ZNF638: variants seen among roughly 807,000 people sequenced by gnomAD.
ZNF638 encodes zinc finger protein 638, also known as CTCL tumor antigen se33-1.
A neutral mutation model predicts 195.6 loss-of-function variants in ZNF638; 46 were observed. That is an observed-to-expected ratio of 0.24 (90% confidence interval 0.19 to 0.30). The LOEUF (loss-of-function observed/expected upper bound fraction) is 0.30. Ranked by LOEUF, ZNF638 falls within the 10% of genes least tolerant of loss-of-function variation. The probability of loss-of-function intolerance (pLI) is 1.00; values close to 1 mark genes in which losing one functional copy is unlikely to be tolerated. For synonymous variants in ZNF638, 845 were observed against 772.0 expected (o/e 1.09, Z -1.57); for missense variants, 2,440 against 2,325.3 (o/e 1.05, Z -1.01).
At chr2:71,406,439 C>T (rs142567840) in intron 19 of ZNF638, among the ~76,000 whole-genome samples, 177 bp downstream of exon 19, 1 of 152,174 alleles carries the variant, frequency 6.6e-6, no homozygotes, top group East Asian at 1.9e-4. Context: ...GAAGAGATGA[C>T]CTCTCTTTTT....
chr2:71,410,543 A>G (rs2080193596), intron 20 of ZNF638, among the ~76,000 whole-genome samples: 1 of 152,088 alleles, frequency 6.6e-6, no homozygotes, highest in Non-Finnish European at 1.5e-5. Context: ...CCTTTTCTCT[A>G]TGCTAACACT....
chr2:71,369,346 T>C (rs906271840), intron 7 of ZNF638, among the ~76,000 whole-genome samples: 8 of 150,574 alleles, frequency 5.3e-5, no homozygotes, highest in Admixed American at 2.0e-4. Context: ...AAAAAAAGTT[T>C]TGTGAGTTAA....
At chr2:71,417,128 G>A (rs2080312945) in intron 20 of ZNF638, among the ~76,000 whole-genome samples, 1 of 148,234 alleles carries the variant, frequency 6.7e-6, no homozygotes, top group South Asian at 2.3e-4. Flanking sequence ...CAATCAGCGA[G>A]ATTCCGTGGG....
chr2:71,377,678 G>C lies in ZNF638; in HGVS notation c.2266-2544G>C, dbSNP rs371479119. On this transcript the variant is annotated intron_variant, in intron 8 of 27. Coordinates refer to ENST00000264447, the MANE Select transcript of ZNF638 (RefSeq NM_014497.5). Reference sequence around the variant, plus strand: ...GCAAGAGAGGTGTGATCCTACTCTTGGTGTGAAAGTTAAAAGAGTGAAAAA... The same window carrying C: ...GCAAGAGAGGTGTGATCCTACTCTTCGTGTGAAAGTTAAAAGAGTGAAAAA... Among the ~76,000 whole-genome samples, 37 of 152,240 alleles carry C rather than the reference G, an allele frequency of 2.4e-4. No individual in the cohort carries two copies. In the East Asian group the frequency reaches 5.0e-3, roughly 21 times the overall value.
At chr2:71,408,443 T>C in intron 20 of ZNF638, 196 bp downstream of exon 20, 1 of 610,274 alleles carries the variant, frequency 1.6e-6, no homozygotes, top group Non-Finnish European at 2.7e-6. Flanking sequence ...TTTTCAACAA[T>C]GTAACATATA....
chr2:71,369,521 T>C (rs2079270197), intron 7 of ZNF638, among the ~76,000 whole-genome samples: 1 of 152,074 alleles, frequency 6.6e-6, no homozygotes, highest in Admixed American at 6.5e-5. Context: ...ATAGTGATAG[T>C]GTTGTCTTTG....
At chr2:71,332,180 C>A (rs1458887643) in intron 1 of ZNF638, among the ~76,000 whole-genome samples, 1 of 152,224 alleles carries the variant, frequency 6.6e-6, no homozygotes, top group Non-Finnish European at 1.5e-5. Flanking sequence ...TGCACTGGGC[C>A]GAGGATCGTG....
Position 71,402,049 on chromosome 2 carries a change from G to A in ZNF638, c.2791G>A (p.Gly931Ser). ...TTATGACTTAGCAAAACCATTTGGTGGTTTAAAGGATATCTTGATTTTATC... is the reference window on the plus strand; with the variant it reads ...TTATGACTTAGCAAAACCATTTGGTAGTTTAAAGGATATCTTGATTTTATC... Reference protein sequence around the residue: ...EVYDLAKPFGGLKDILILSSH... With the variant: ...EVYDLAKPFGSLKDILILSSH... The change falls in exon 16 of 28, where the codon GGT becomes AGT. Residue 931 changes from glycine to serine, a missense_variant. Gly to Ser is a moderately conservative substitution (Grantham distance 56). Coordinates refer to ENST00000264447, the MANE Select transcript of ZNF638 (RefSeq NM_014497.5). 1 of 1,606,418 alleles carries A rather than the reference G, an allele frequency of 6.2e-7. No individual in the cohort carries two copies. The highest frequency in any genetic ancestry group is 8.5e-7 in the Non-Finnish European group (1 of 1,175,918).
chr2:71,385,284 G>A (rs2079613848), intron 10 of ZNF638, among the ~76,000 whole-genome samples: 1 of 152,130 alleles, frequency 6.6e-6, no homozygotes, highest in African/African-American at 2.4e-5. Flanking sequence ...ACACTCTTGG[G>A]CACTCATCCC....
chr2:71,423,258 A>T lies in ZNF638; in HGVS notation c.3744A>T (p.Glu1248Asp). The T allele has an allele frequency of 6.2e-7, 1 of 1,614,110 alleles. No homozygotes were observed. The highest frequency in any genetic ancestry group is 8.5e-7 in the Non-Finnish European group (1 of 1,179,990). Residue 1248 changes from glutamate (E) to aspartate (D), a missense_variant, in exon 22 of 28, where the codon GAA becomes GAT. This residue lies in a region of ZNF638 where 1,883 missense variants were observed against 1,739.1 expected (regional missense o/e 1.08). Coordinates refer to ENST00000264447, the MANE Select transcript of ZNF638 (RefSeq NM_014497.5). ...GILEESPSEA[E>D]DFISGITQTM... Reference sequence around the variant, plus strand: ...TAGAAGAATCTCCATCTGAAGCAGAAGATTTCATTTCTGGAATTACACAGA... The same window carrying T: ...TAGAAGAATCTCCATCTGAAGCAGATGATTTCATTTCTGGAATTACACAGA...
chr2:71,338,440 A>C (rs1010066884), intron 1 of ZNF638, among the ~76,000 whole-genome samples: 1 of 151,968 alleles, frequency 6.6e-6, no homozygotes, highest in East Asian at 1.9e-4. Context: ...CCTATTTCCT[A>C]TTTGTATTTC....
chr2:71,350,998 G>C (rs952842023), intron 2 of ZNF638, among the ~76,000 whole-genome samples: 1 of 152,192 alleles, frequency 6.6e-6, no homozygotes, highest in African/African-American at 2.4e-5. Flanking sequence ...AGAACATACT[G>C]TTCAGTCGTA....
intron 10 of ZNF638, among the ~76,000 whole-genome samples, chr2:71,390,927 T>A (rs539974842): frequency 6.6e-6 from 1 of 152,332 alleles, no homozygotes; most frequent in South Asian, 2.1e-4. Context: ...CGGGACCGAT[T>A]AGCCCAATGG....
intron 1 of ZNF638, among the ~76,000 whole-genome samples, chr2:71,332,370 G>C (rs1195808121): frequency 2.6e-5 from 4 of 152,248 alleles, no homozygotes; most frequent in Non-Finnish European, 5.9e-5. Context: ...CAGCGACATT[G>C]TGCAAGAAGC....
At chr2:71,432,447 C>T (rs894008189) in intron 26 of ZNF638, among the ~76,000 whole-genome samples, 9 of 152,184 alleles carry the variant, frequency 5.9e-5, no homozygotes, top group African/African-American at 1.9e-4. Context: ...GCAGTCTGTC[C>T]GCCTTGGCCT....
At chr2:71,367,001 G>T (rs2079211895) in intron 6 of ZNF638, among the ~76,000 whole-genome samples, 1 of 152,022 alleles carries the variant, frequency 6.6e-6, no homozygotes, top group East Asian at 1.9e-4. Flanking sequence ...GGAATGCATT[G>T]CTCTCAACAG....
intron 14 of ZNF638, 58 bp downstream of exon 14, chr2:71,400,238 C>A: frequency 7.4e-7 from 1 of 1,347,198 alleles, no homozygotes; most frequent in East Asian, 2.4e-5. Flanking sequence ...AATGCCATAC[C>A]TAAGTGAAAT....
chr2:71,355,883 T>C (rs2079015168), intron 3 of ZNF638, 103 bp downstream of exon 3: 1 of 560,704 alleles, frequency 1.8e-6, no homozygotes, highest in Non-Finnish European at 2.9e-6. Context: ...TGGAGAAAAA[T>C]ATTTTTGGAA....
chr2:71,371,701 AG>A (rs544373781), intron 8 of ZNF638, among the ~76,000 whole-genome samples: 14 of 23,128 alleles, frequency 6.1e-4, no homozygotes, highest in African/African-American at 2.2e-3. Flanking sequence ...TCAGAGTATT[AG>A]TTTTTTTTTT....
Sources: gnomAD v4.1 joint callset for allele counts (sites outside exome capture counted in the v4.1 genomes callset) on GRCh38, gnomAD v4.1.1 for gene constraint, gnomAD v4.1.1 regional missense constraint, MANE v1.5 for transcripts, NCBI Gene and HGNC (gene_info 2026-07-23, HGNC 2026-07-21) for gene names.